SIL1: variants seen among roughly 807,000 people sequenced by gnomAD.
SIL1 encodes SIL1 nucleotide exchange factor.
SIL1 carries 40 observed loss-of-function variants against 49.1 expected under a neutral mutation model. The observed-to-expected ratio is 0.81, with a 90% CI of 0.63 to 1.06. The LOEUF is 1.06. SIL1 is among the 50% of genes least tolerant of loss of function. SIL1 has a pLI of 0.00. For synonymous variants in SIL1, 253 were observed against 250.8 expected (o/e 1.01, Z -0.08); for missense variants, 500 against 572.6 (o/e 0.87, Z 1.29).
intron 1 of SIL1, among the ~76,000 whole-genome samples, chr5:139,140,124 G>T (rs1486398685): frequency 1.3e-5 from 2 of 152,288 alleles, no homozygotes; most frequent in Non-Finnish European, 2.9e-5. Context: ...ACAAAAATTA[G>T]CCAGGTGTGG....
At chr5:139,144,251 G>A (rs528511023) in intron 1 of SIL1, among the ~76,000 whole-genome samples, 41 of 152,246 alleles carry the variant, frequency 2.7e-4, no homozygotes, top group African/African-American at 9.6e-4. Flanking sequence ...TTGAGGCTAG[G>A]AACTCAAGGC....
In SIL1 at chr5:139,053,996, G is replaced by C. The variant is rs1316354296; in HGVS notation, c.245-2950C>G. Among the ~76,000 whole-genome samples the C allele has an allele frequency of 2.0e-5, 3 of 152,178 alleles. No individual in the cohort carries two copies. In the East Asian group the frequency reaches 5.8e-4, roughly 29 times the overall value. On this transcript the variant is annotated intron_variant, in intron 3 of 9. Transcript: ENST00000394817. ...TATAGTGAACTCTCAATAATTATTT[G>C]TTGGTCAAGTGAGGAGGCCCTTGCC...
At chr5:139,051,069 G>A (rs1173429971) in intron 3 of SIL1, 23 bp from the exon 4 acceptor site, 1 of 1,609,420 alleles carries the variant, frequency 6.2e-7, no homozygotes, top group South Asian at 1.1e-5. Context: ...AAGAGAAAAG[G>A]CTCATGAGGT....
intron 7 of SIL1, chr5:139,014,369 A>C (rs1768354763): frequency 3.9e-5 from 2 of 50,642 alleles, no homozygotes; most frequent in South Asian, 1.0e-3. Context: ...CTTCGTCTCA[A>C]AAAAAAAAAA....
At chr5:138,977,856 G>A (rs187999583) in intron 7 of SIL1, among the ~76,000 whole-genome samples, 7 of 152,190 alleles carry the variant, frequency 4.6e-5, no homozygotes, top group Admixed American at 3.9e-4. Context: ...AACTGGCCAA[G>A]CTTGTCCCTA....
intron 7 of SIL1, among the ~76,000 whole-genome samples, chr5:139,016,083 G>A (rs1768391929): frequency 6.6e-6 from 1 of 152,070 alleles, no homozygotes; most frequent in African/African-American, 2.4e-5. Flanking sequence ...GGGCAACACA[G>A]TGAGACCCTG....
At chr5:139,149,296 C>A (rs1035656481) in intron 1 of SIL1, among the ~76,000 whole-genome samples, 3 of 152,082 alleles carry the variant, frequency 2.0e-5, no homozygotes, top group Non-Finnish European at 1.5e-5. Flanking sequence ...GGACAGCTAC[C>A]AAAAGAGCAA....
chr5:139,103,730 C>G (rs1770641505), intron 3 of SIL1, among the ~76,000 whole-genome samples: 1 of 152,210 alleles, frequency 6.6e-6, no homozygotes, highest in Non-Finnish European at 1.5e-5. Context: ...ATGAAAAACA[C>G]AGACATGTGT....
At chr5:139,113,140 C>T (rs1339295023) in intron 3 of SIL1, among the ~76,000 whole-genome samples, 2 of 151,868 alleles carry the variant, frequency 1.3e-5, no homozygotes, top group East Asian at 3.9e-4. Flanking sequence ...ATCTCAAGTA[C>T]CCAGGGACAC....
intron 5 of SIL1, among the ~76,000 whole-genome samples, chr5:139,027,602 C>T (rs558902556): frequency 3.3e-5 from 5 of 152,274 alleles, no homozygotes; most frequent in African/African-American, 9.6e-5. Context: ...ACTCAAATCT[C>T]GAACAATTTT....
intron 1 of SIL1, among the ~76,000 whole-genome samples, chr5:139,170,023 C>T (rs906696387): frequency 1.3e-5 from 2 of 152,256 alleles, no homozygotes; most frequent in African/African-American, 4.8e-5. Flanking sequence ...CGTGCTGCCA[C>T]GCCTGACTGG....
intron 7 of SIL1, among the ~76,000 whole-genome samples, chr5:138,955,411 G>C (rs1766880627): frequency 6.6e-6 from 1 of 152,210 alleles, no homozygotes; most frequent in Non-Finnish European, 1.5e-5. Context: ...CTTGCAGGGA[G>C]ATGGGCTGGG....
intron 7 of SIL1, among the ~76,000 whole-genome samples, chr5:138,977,014 C>T (rs1767407703): frequency 1.3e-5 from 2 of 152,176 alleles, no homozygotes; most frequent in Admixed American, 1.3e-4. Flanking sequence ...CCCATTCACA[C>T]AGCACCCTGT....
chr5:139,193,668 T>C (rs1206439562), intron 1 of SIL1, among the ~76,000 whole-genome samples: 3 of 151,974 alleles, frequency 2.0e-5, no homozygotes, highest in African/African-American at 7.3e-5. Flanking sequence ...ACCCAAAGGG[T>C]TGAGTCTTAG....
At chr5:139,097,192 T>A (rs902934214) in intron 3 of SIL1, among the ~76,000 whole-genome samples, 6 of 151,870 alleles carry the variant, frequency 4.0e-5, no homozygotes, top group African/African-American at 1.2e-4. Context: ...GTCTAAGGTT[T>A]TTTACTCTAG....
chr5:139,182,166 G>C (rs546468381), intron 1 of SIL1, among the ~76,000 whole-genome samples: 2 of 152,156 alleles, frequency 1.3e-5, no homozygotes, highest in Non-Finnish European at 1.5e-5. Context: ...GCCTCAACAC[G>C]CTGCTCTCAT....
chr5:138,947,490 C>A lies in SIL1; in HGVS notation c.1030-17G>T. 6.2e-7 allele frequency: 1 copy of A among 1,611,264 alleles called. No homozygotes were observed. The highest frequency in any genetic ancestry group is 8.5e-7 in the Non-Finnish European group (1 of 1,178,000). On this transcript the variant is annotated splice_polypyrimidine_tract_variant and intron_variant, in intron 9 of 9. Coordinates refer to ENST00000394817, the MANE Select transcript of SIL1 (RefSeq NM_022464.5). The surrounding 1 kb of genome is among the most constrained non-coding windows in gnomAD (Gnocchi z 4.1). The stretch of plus-strand genomic sequence containing the variant: ...GGCGAACATCTGCCATCCGCCACAG[C>A]CGCAGGCCAGGTAGGGTGGGGGTGG...
rs199951755 is a variant in SIL1 at position 139,127,853 on chromosome 5, C to T, written c.-10G>A. The T allele has an allele frequency of 6.4e-7, 1 of 1,574,482 alleles. No individual in the cohort carries two copies. The highest frequency in any genetic ancestry group is 8.7e-7 in the Non-Finnish European group (1 of 1,153,658). On this transcript the variant is annotated splice_region_variant and 5_prime_UTR_variant, in exon 2 of 10. Coordinates refer to ENST00000394817, the MANE Select transcript of SIL1 (RefSeq NM_022464.5). ...GGCTCTGGGGAGCCATAGTCAGGGA[C>T]CTGCAGGTGCAAGCATAGACAACAG...
chr5:139,122,883 G>A (rs981308557), intron 2 of SIL1, among the ~76,000 whole-genome samples: 6 of 152,174 alleles, frequency 3.9e-5, no homozygotes, highest in Admixed American at 2.0e-4. Context: ...GAGAGGCACT[G>A]ACTCCAGCAT....
Sources: gnomAD v4.1 joint callset for allele counts (sites outside exome capture counted in the v4.1 genomes callset) on GRCh38, gnomAD v4.1.1 for gene constraint, Gnocchi (gnomAD v3.1) non-coding constraint, MANE v1.5 for transcripts, NCBI Gene and HGNC (gene_info 2026-07-23, HGNC 2026-07-21) for gene names.